The following TUT4 variants were observed in gnomAD, a reference collection of about 807,000 sequenced individuals.
The protein encoded by TUT4 is terminal uridylyltransferase 4.
TUT4 carries 36 observed loss-of-function variants against 192.2 expected under a neutral mutation model. The ratio of observed to expected loss-of-function variants is 0.19; its 90% CI spans 0.14 to 0.25. The LOEUF (loss-of-function observed/expected upper bound fraction) is 0.25, where lower values mean the gene tolerates loss of function less well. TUT4 is among the 10% of genes least tolerant of loss of function. The pLI, the probability that TUT4 is intolerant of heterozygous loss-of-function variation, is 1.00. For synonymous variants in TUT4, 618 were observed against 666.0 expected (o/e 0.93, Z 1.11); for missense variants, 1,493 against 1,957.2 (o/e 0.76, Z 4.47).
intron 20 of TUT4, among the ~76,000 whole-genome samples, chr1:52,448,403 C>T (rs1658236815): frequency 1.3e-5 from 2 of 152,112 alleles, no homozygotes; most frequent in South Asian, 4.2e-4. Context: ...GCCTGGCCAA[C>T]ATGGCAAAAC....
rs1001769609 is a variant in TUT4 at position 52,520,575 on chromosome 1, T to C, written c.719-4521A>G. Among the ~76,000 whole-genome samples the C allele has an allele frequency of 1.3e-5, 2 of 152,150 alleles. 1 individual carries two copies. Among genetic ancestry groups the C allele is most frequent in the Non-Finnish European group, 2.9e-5 (2 of 68,036 alleles). ...TAATATGAATCCCAAACAATTCATA[T>C]ACACATTAAAGTTTGAGAAACCCAG... On this transcript the variant is annotated intron_variant, in intron 2 of 29. Coordinates refer to ENST00000257177, the MANE Select transcript of TUT4 (RefSeq NM_001009881.3).
Position 52,461,831 on chromosome 1 carries a change from A to C in TUT4, c.3070-62T>G, listed in dbSNP as rs536015844. ...TTCACCTTGTGCAAATTCTACTTTAATCTAAGCATTTAATAGTAGCATTTA... is the reference window on the plus strand; with the variant it reads ...TTCACCTTGTGCAAATTCTACTTTACTCTAAGCATTTAATAGTAGCATTTA... On this transcript the variant is annotated intron_variant, in intron 16 of 29. Transcript: ENST00000257177. 3.1e-6 allele frequency: 3 copies of C among 976,462 alleles called. No homozygotes were observed. In the African/African-American group the frequency reaches 5.0e-5, roughly 16 times the overall value. The allele number at this position is 976,462 out of a possible 1,614,324, so 60.5% of individuals were successfully genotyped here.
intron 29 of TUT4, chr1:52,424,217 G>A: frequency 5.7e-6 from 3 of 524,760 alleles, no homozygotes; most frequent in Middle Eastern, 5.2e-4. Context: ...AAGATGGAGA[G>A]GAGGAATCAA....
At chr1:52,497,694 A>G (rs1672803451) in intron 4 of TUT4, among the ~76,000 whole-genome samples, 2 of 152,254 alleles carry the variant, frequency 1.3e-5, no homozygotes, top group African/African-American at 4.8e-5. Flanking sequence ...TTTAAAGCCA[A>G]TTTAAATCTA....
Position 52,477,723 on chromosome 1 carries a change from G to A in TUT4, c.2008C>T (p.Arg670Ter), listed in dbSNP as rs1374408790. The change falls in exon 12 of 30, where the codon CGA becomes TGA. Residue 670 changes from arginine (R) to a stop codon, truncating the protein, a stop_gained. Coordinates refer to ENST00000257177, the MANE Select transcript of TUT4 (RefSeq NM_001009881.3). LOFTEE classifies it high-confidence loss of function. The stretch of plus-strand genomic sequence containing the variant: ...ATCATCTCACCTTCAATGGCTATTC[G>A]CCTTTTAGGCCAGTTTTTATTTTCT... Reference protein sequence around the residue: ...TRENKNWPKRRIAIEDPFSVK... With the variant: ...TRENKNWPKR 6.2e-7 allele frequency: 1 copy of A among 1,607,516 alleles called. No homozygotes were observed. Among genetic ancestry groups the A allele is most frequent in the Non-Finnish European group, 8.5e-7 (1 of 1,178,032 alleles).
intron 3 of TUT4, among the ~76,000 whole-genome samples, chr1:52,510,712 T>C (rs1347450187): frequency 6.6e-6 from 1 of 152,220 alleles, no homozygotes; most frequent in Admixed American, 6.5e-5. Context: ...GTGTTTAACA[T>C]ACAATTTGTC....
At chr1:52,446,720 G>A in intron 20 of TUT4, 53 bp from the exon 21 acceptor site, 2 of 1,328,470 alleles carry the variant, frequency 1.5e-6, no homozygotes, top group South Asian at 1.3e-5. Flanking sequence ...CAACCCAAAG[G>A]TCCAAATACT....
intron 4 of TUT4, among the ~76,000 whole-genome samples, chr1:52,498,936 ATATATATATATATATATATATAT>A (rs1673307355): frequency 1.1e-5 from 1 of 91,964 alleles, no homozygotes; most frequent in Non-Finnish European, 2.2e-5. Flanking sequence ...ATATATATAT[ATATATATATATATATATATATAT>A]GACATTTTTC....
intron 20 of TUT4, among the ~76,000 whole-genome samples, chr1:52,448,927 A>G (rs2148498515): frequency 6.6e-6 from 1 of 152,332 alleles, no homozygotes; most frequent in East Asian, 1.9e-4. Flanking sequence ...GTTGGCTGAT[A>G]ACACAGTGGA....
intron 1 of TUT4, among the ~76,000 whole-genome samples, chr1:52,544,980 C>T (rs932707574): frequency 6.7e-6 from 1 of 150,248 alleles, no homozygotes; most frequent in East Asian, 2.0e-4. Flanking sequence ...CTCTTGAGCC[C>T]AGGGAGGTCA....
At chr1:52,457,341 T>C (rs893617960) in intron 20 of TUT4, among the ~76,000 whole-genome samples, 1 of 151,970 alleles carries the variant, frequency 6.6e-6, no homozygotes, top group African/African-American at 2.4e-5. Flanking sequence ...GTTCAAGCAA[T>C]TCTCCTGCCT....
chr1:52,429,944 G>A (rs939699805), intron 28 of TUT4, among the ~76,000 whole-genome samples: 1 of 152,050 alleles, frequency 6.6e-6, no homozygotes, highest in South Asian at 2.1e-4. Context: ...GTATATATGT[G>A]TGTGTGTGTG....
chr1:52,545,451 G>T (rs905552085), intron 1 of TUT4, among the ~76,000 whole-genome samples: 1 of 151,324 alleles, frequency 6.6e-6, no homozygotes, highest in Non-Finnish European at 1.5e-5. Context: ...TCTGATAAGG[G>T]ACTAATATCC....
intron 28 of TUT4, among the ~76,000 whole-genome samples, chr1:52,429,507 G>A (rs973716569): frequency 2.6e-5 from 4 of 151,522 alleles, no homozygotes; most frequent in Non-Finnish European, 5.9e-5. Context: ...AGATTGGCCT[G>A]TGAATAGCCA....
At position 52,525,729 on chromosome 1, in the gene TUT4, A is replaced by G; in HGVS notation, c.552T>C (p.Ile184=). The change falls in exon 2 of 30, where the codon ATT becomes ATC. Residue 184 remains isoleucine, a synonymous_variant. Coordinates refer to ENST00000257177, the MANE Select transcript of TUT4 (RefSeq NM_001009881.3). The part of the protein sequence containing the change: ...KTELQQIGKK[I]PSSFTSVDKV... The stretch of plus-strand genomic sequence containing the variant: ...TGTCCACAGAAGTAAAGGAGCTTGG[A>G]ATTTTTTTTCCAATCTGTTGTAATT... 2 of 1,614,128 alleles carry G rather than the reference A, an allele frequency of 1.2e-6. No homozygotes were observed. The highest frequency in any genetic ancestry group is 1.7e-6 in the Non-Finnish European group (2 of 1,180,012).
chr1:52,435,338 T>C (rs1403365074), intron 27 of TUT4, 27 bp downstream of exon 27: 8 of 1,574,052 alleles, frequency 5.1e-6, no homozygotes, highest in Non-Finnish European at 7.0e-6. Context: ...CAGTCAAGAC[T>C]AACACATTCA....
chr1:52,466,508 C>T (rs534347413), intron 15 of TUT4, among the ~76,000 whole-genome samples: 63 of 151,234 alleles, frequency 4.2e-4, no homozygotes, highest in African/African-American at 1.2e-3. Flanking sequence ...TGTGGTGGCG[C>T]GCACCTGTGG....
At chr1:52,477,118 TCATAA>T (rs1411553449) in intron 12 of TUT4, among the ~76,000 whole-genome samples, 9 of 152,198 alleles carry the variant, frequency 5.9e-5, no homozygotes, top group Admixed American at 3.9e-4. Flanking sequence ...CTTATATTAT[TCATAA>T]CATATTTTTC....
chr1:52,445,002 T>C (rs753497951), intron 24 of TUT4, among the ~76,000 whole-genome samples: 1 of 144,866 alleles, frequency 6.9e-6, no homozygotes, highest in Non-Finnish European at 1.5e-5. Context: ...TATATACATG[T>C]ATGTGTGTAT....
Sources: allele counts gnomAD v4.1 joint callset (sites outside exome capture counted in the v4.1 genomes callset), GRCh38; gene constraint gnomAD v4.1.1; transcripts MANE v1.5; gene names NCBI Gene and HGNC (gene_info 2026-07-23, HGNC 2026-07-21).